ARHGEF37: variants seen among roughly 807,000 people sequenced by gnomAD.
ARHGEF37 encodes Rho guanine nucleotide exchange factor 37, also known as Rho guanine nucleotide exchange factor (GEF) 37.
ARHGEF37 carries 55 observed loss-of-function variants against 71.1 expected under a neutral mutation model. That is an observed-to-expected ratio of 0.77 (90% CI 0.62 to 0.97). ARHGEF37 has a LOEUF of 0.97. ARHGEF37 is among the 50% of genes least tolerant of loss of function. ARHGEF37 has a pLI of 0.00. For synonymous variants in ARHGEF37, 327 were observed against 350.6 expected (o/e 0.93, Z 0.75); for missense variants, 765 against 836.8 (o/e 0.91, Z 1.06).
intron 4 of ARHGEF37, among the ~76,000 whole-genome samples, chr5:149,613,964 A>G (rs944695560): frequency 2.0e-5 from 3 of 151,544 alleles, no homozygotes; most frequent in African/African-American, 4.9e-5. Context: ...GGGTTTCTCT[A>G]TGTTGCCCAG....
intron 1 of ARHGEF37, among the ~76,000 whole-genome samples, chr5:149,565,827 TA>T (rs1762889478): frequency 1.5e-5 from 2 of 130,500 alleles, no homozygotes; most frequent in Admixed American, 8.0e-5. Flanking sequence ...TCAGAAACTC[TA>T]ATTTTTTTTT....
At chr5:149,614,863 A>G (rs1752330404) in intron 4 of ARHGEF37, among the ~76,000 whole-genome samples, 1 of 152,200 alleles carries the variant, frequency 6.6e-6, no homozygotes, top group Non-Finnish European at 1.5e-5. Flanking sequence ...AGGCACGAGT[A>G]TCATCAGGGA....
At chr5:149,630,241 C>T (rs537004722) in intron 12 of ARHGEF37, among the ~76,000 whole-genome samples, 1 of 152,254 alleles carries the variant, frequency 6.6e-6, no homozygotes, top group South Asian at 2.1e-4. Context: ...TTTGGCTTTG[C>T]AGGGATGGAG....
chr5:149,553,139 C>CT (rs1408600426), intron 1 of ARHGEF37, among the ~76,000 whole-genome samples: 2 of 152,160 alleles, frequency 1.3e-5, no homozygotes, highest in Non-Finnish European at 2.9e-5. Flanking sequence ...GGGCTCACAC[C>CT]TGTAATCCCA....
intron 1 of ARHGEF37, among the ~76,000 whole-genome samples, chr5:149,586,111 A>G (rs1307536507): frequency 4.6e-5 from 7 of 152,168 alleles, no homozygotes; most frequent in Non-Finnish European, 1.0e-4. Flanking sequence ...AGTTTCCATT[A>G]TTTTGAATGA....
At chr5:149,575,498 G>C (rs1763016069) in intron 1 of ARHGEF37, among the ~76,000 whole-genome samples, 1 of 152,142 alleles carries the variant, frequency 6.6e-6, no homozygotes, top group Non-Finnish European at 1.5e-5. Flanking sequence ...GATTGGTTTA[G>C]CTATGCACGT....
At chr5:149,591,624 G>A (rs551626709) in intron 1 of ARHGEF37, among the ~76,000 whole-genome samples, 8 of 152,292 alleles carry the variant, frequency 5.3e-5, no homozygotes, top group African/African-American at 1.7e-4. Context: ...ATAGACAGTC[G>A]CCGACTTATG....
chr5:149,597,344 GCCTC>G (rs1763577539), intron 1 of ARHGEF37, among the ~76,000 whole-genome samples: 2 of 152,040 alleles, frequency 1.3e-5, no homozygotes, highest in African/African-American at 4.8e-5. Context: ...TGCAACCTCT[GCCTC>G]CCGGGTTCAA....
chr5:149,555,956 C>CA (rs1316203008), intron 1 of ARHGEF37, among the ~76,000 whole-genome samples: 3 of 151,946 alleles, frequency 2.0e-5, no homozygotes, highest in Non-Finnish European at 2.9e-5. Context: ...CACATCACTA[C>CA]AAAAATGTTT....
rs75624879 is a variant in ARHGEF37 at position 149,591,681 on chromosome 5, A to G, written c.-11-6078A>G. Among the ~76,000 whole-genome samples, 452 of 152,366 alleles carry G rather than the reference A, an allele frequency of 3.0e-3. 2 individuals carry two copies. Among genetic ancestry groups the G allele is most frequent in the African/African-American group, 0.01 (431 of 41,594 alleles). ...TTGACTGTAAGATGGTGCAAAAATG[A>G]TACACATTCAGTAGAAACCGTACTT... On this transcript the variant is annotated intron_variant, in intron 1 of 12. Transcript: ENST00000333677.
At chr5:149,614,380 C>T (rs1241196483) in intron 4 of ARHGEF37, among the ~76,000 whole-genome samples, 1 of 151,992 alleles carries the variant, frequency 6.6e-6, no homozygotes, top group African/African-American at 2.4e-5. Flanking sequence ...CACACTCACC[C>T]AGCTCTGTGT....
chr5:149,559,618 T>C (rs1039729251), intron 1 of ARHGEF37, among the ~76,000 whole-genome samples: 4 of 152,238 alleles, frequency 2.6e-5, no homozygotes, highest in South Asian at 2.1e-4. Context: ...GATATATTTC[T>C]AGAAATGCTA....
intron 1 of ARHGEF37, among the ~76,000 whole-genome samples, chr5:149,587,553 T>A (rs1428816407): frequency 1.3e-5 from 2 of 152,192 alleles, no homozygotes; most frequent in Non-Finnish European, 2.9e-5. Context: ...AATGACATTT[T>A]TCTGGCTCCA....
intron 1 of ARHGEF37, among the ~76,000 whole-genome samples, chr5:149,557,975 C>T (rs1225580325): frequency 6.6e-6 from 1 of 151,378 alleles, no homozygotes; most frequent in Non-Finnish European, 1.5e-5. Flanking sequence ...AAGCAATTCT[C>T]CTGCCTCTGC....
At chr5:149,570,237 GTC>G (rs1307587698) in intron 1 of ARHGEF37, among the ~76,000 whole-genome samples, 2 of 152,084 alleles carry the variant, frequency 1.3e-5, no homozygotes, top group Non-Finnish European at 2.9e-5. Flanking sequence ...TTAGTTATAT[GTC>G]TCTATACTAG....
chr5:149,624,106 C>A lies in ARHGEF37; in HGVS notation c.1430C>A (p.Thr477Asn), dbSNP rs1216019669. 2.5e-6 allele frequency: 4 copies of A among 1,611,170 alleles called. No individual in the cohort carries two copies. Among genetic ancestry groups the A allele is most frequent in the Non-Finnish European group, 2.5e-6 (3 of 1,177,700 alleles). The change falls in exon 10 of 13, where the codon ACC (threonine) becomes AAC (asparagine). Residue 477 changes from threonine to asparagine, a missense_variant. Thr to Asn is a moderately conservative substitution (Grantham distance 65). Coordinates refer to ENST00000333677, the MANE Select transcript of ARHGEF37 (RefSeq NM_001001669.3). ...AACCAGCTTCGCTCCTTTCAAGAGA[C>A]CTTTGAGAAAGTGCAGCCACCTCCC... ...TSNQLRSFQE[T>N]FEKVQPPPTT...
chr5:149,620,805 C>T (rs974876342), intron 8 of ARHGEF37, among the ~76,000 whole-genome samples: 3 of 142,116 alleles, frequency 2.1e-5, no homozygotes, highest in African/African-American at 5.3e-5. Context: ...CACTCCAGCC[C>T]GGAGACAGAG....
At chr5:149,624,539 C>T (rs148344319) in intron 10 of ARHGEF37, among the ~76,000 whole-genome samples, 2,794 of 152,240 alleles carry the variant, frequency 0.018, 69 homozygotes, top group South Asian at 0.091. Context: ...TTTGGGAGGC[C>T]GAGGTGGGTG....
chr5:149,632,319 C>T lies in ARHGEF37; in HGVS notation c.*128C>T. 1 of 1,059,544 alleles carries T rather than the reference C, an allele frequency of 9.4e-7. No individual in the cohort carries two copies. The highest frequency in any genetic ancestry group is 1.6e-5 in the South Asian group (1 of 62,506). 65.6% of individuals were successfully genotyped at this position (1,059,544 alleles called of 1,614,324 possible). A position where few individuals can be genotyped will look rare whatever the true frequency, so the allele number is the denominator to read the frequency against. On this transcript the variant is annotated 3_prime_UTR_variant, in exon 13 of 13. Transcript: ENST00000333677. ...ACCAGGCCAGGGTGGGTGAAGCACA[C>T]TCAGGAGGCAGCCAGAAGACATGGG...
Sources: allele counts gnomAD v4.1 joint callset (sites outside exome capture counted in the v4.1 genomes callset), GRCh38; gene constraint gnomAD v4.1.1; transcripts MANE v1.5; gene names NCBI Gene and HGNC (gene_info 2026-07-23, HGNC 2026-07-21).